Variants in SDK1 observed in about 807,000 individuals in gnomAD.
The protein encoded by SDK1 is sidekick cell adhesion molecule 1, also known as protein sidekick-1.
SDK1 carries 157 observed loss-of-function variants against 245.5 expected under a neutral mutation model. That is an observed-to-expected ratio of 0.64 (90% CI 0.56 to 0.73). The LOEUF (loss-of-function observed/expected upper bound fraction) is 0.73. Ranked by LOEUF, SDK1 falls within the 30% of genes least tolerant of loss-of-function variation. The pLI, the probability that SDK1 is intolerant of heterozygous loss-of-function variation, is 0.00. For missense variants in SDK1, 3,583 were observed against 3,002.3 expected, an observed-to-expected ratio of 1.19 and a Z score of -4.52; for synonymous variants, 1,647 against 1,278.5, an observed-to-expected ratio of 1.29 and a Z score of -6.15.
At chr7:3,688,957 G>T (rs1292643234) in intron 4 of SDK1, among the ~76,000 whole-genome samples, 1 of 152,184 alleles carries the variant, frequency 6.6e-6, no homozygotes, top group Non-Finnish European at 1.5e-5. Flanking sequence ...GGACAGGTCA[G>T]CAGACTACTG....
At chr7:3,850,380 A>G (rs1780389314) in intron 5 of SDK1, among the ~76,000 whole-genome samples, 1 of 152,198 alleles carries the variant, frequency 6.6e-6, no homozygotes, top group African/African-American at 2.4e-5. Flanking sequence ...TTCTGGAATG[A>G]AAATAAGATG....
intron 7 of SDK1, among the ~76,000 whole-genome samples, chr7:3,957,547 T>C (rs1781371533): frequency 6.6e-6 from 1 of 152,184 alleles, no homozygotes; most frequent in African/African-American, 2.4e-5. Context: ...GTCGAATGTA[T>C]GTTTTTTTCC....
intron 14 of SDK1, among the ~76,000 whole-genome samples, chr7:4,009,043 T>C (rs1168588882): frequency 2.0e-5 from 3 of 152,262 alleles, no homozygotes; most frequent in Non-Finnish European, 4.4e-5. Context: ...TTTCTTCACA[T>C]CCTTCCCAAC....
intron 14 of SDK1, among the ~76,000 whole-genome samples, chr7:4,004,101 C>T (rs1394177833): frequency 2.0e-5 from 3 of 152,204 alleles, no homozygotes; most frequent in South Asian, 2.1e-4. Context: ...GAAAGTTGAA[C>T]GTGGACACAT....
intron 4 of SDK1, among the ~76,000 whole-genome samples, chr7:3,802,848 C>T (rs2115037177): frequency 6.6e-6 from 1 of 152,282 alleles, no homozygotes; most frequent in African/African-American, 2.4e-5. Context: ...TTTAACTCTT[C>T]ACCAATTGAG....
chr7:3,482,580 C>G (rs1379833998), intron 1 of SDK1, among the ~76,000 whole-genome samples: 1 of 152,222 alleles, frequency 6.6e-6, no homozygotes, highest in African/African-American at 2.4e-5. Context: ...AAGCGCTTCT[C>G]TGAGAATTGA....
intron 1 of SDK1, among the ~76,000 whole-genome samples, chr7:3,417,555 C>T (rs1779409347): frequency 6.6e-6 from 1 of 152,178 alleles, no homozygotes; most frequent in South Asian, 2.1e-4. Flanking sequence ...TTGATTGCTT[C>T]AGTGTACTAA....
intron 5 of SDK1, among the ~76,000 whole-genome samples, chr7:3,825,685 G>A (rs186072914): frequency 2.8e-4 from 43 of 152,156 alleles, no homozygotes; most frequent in Admixed American, 7.2e-4. Context: ...GCAGACTCAC[G>A]TAGGGTTAGT....
At chr7:3,426,656 G>C (rs1156716796) in intron 1 of SDK1, among the ~76,000 whole-genome samples, 3 of 152,080 alleles carry the variant, frequency 2.0e-5, no homozygotes, top group Non-Finnish European at 2.9e-5. Flanking sequence ...CACCACCTTT[G>C]GTCAATTCTG....
chr7:3,903,032 C>A (rs1489750770), intron 5 of SDK1, among the ~76,000 whole-genome samples: 1 of 152,062 alleles, frequency 6.6e-6, no homozygotes, highest in Non-Finnish European at 1.5e-5. Flanking sequence ...TGAGAAAATG[C>A]TTAACATAAT....
In SDK1 at chr7:3,346,141, T is replaced by C. The variant is rs566366464; in HGVS notation, c.298+44257T>C. ...TCTGCTTAAAATCTTTCAGGGAGGT[T>C]CCTACTGTCTTAAGAATAAATTTCA... On this transcript the variant is annotated intron_variant, in intron 1 of 44. Transcript: ENST00000404826. Among the ~76,000 whole-genome samples the C allele has an allele frequency of 4.6e-5, 7 of 152,302 alleles. 1 individual carries two copies. The highest frequency in any genetic ancestry group is 1.7e-4 in the African/African-American group (7 of 41,558).
intron 22 of SDK1, among the ~76,000 whole-genome samples, chr7:4,102,821 GTGGGTATAACAGACAGACAGCTCCCCTAA>G (rs1274161872): frequency 6.6e-6 from 1 of 152,144 alleles, no homozygotes; most frequent in Non-Finnish European, 1.5e-5. Flanking sequence ...CAGCATCCCC[GTGGGTATAACAGACAGACAGCTCCCCTAA>G]TGGGCCTGAA....
intron 4 of SDK1, among the ~76,000 whole-genome samples, chr7:3,706,780 T>A (rs1784903889): frequency 1.3e-5 from 2 of 152,208 alleles, no homozygotes; most frequent in African/African-American, 4.8e-5. Context: ...CTTCTTGATT[T>A]AATCAAGGAG....
intron 1 of SDK1, among the ~76,000 whole-genome samples, chr7:3,377,751 A>G (rs1781390316): frequency 6.6e-6 from 1 of 151,906 alleles, no homozygotes; most frequent in African/African-American, 2.4e-5. Context: ...CGCTGTTCCA[A>G]ACTATATTTT....
At chr7:3,425,424 T>C (rs1045532050) in intron 1 of SDK1, among the ~76,000 whole-genome samples, 7 of 152,232 alleles carry the variant, frequency 4.6e-5, no homozygotes, top group African/African-American at 1.7e-4. Flanking sequence ...TAAATTGTCA[T>C]CTTCCAATTT....
chr7:3,307,020 A>AAATCACAT (rs1438437735), intron 1 of SDK1, among the ~76,000 whole-genome samples: 1 of 152,210 alleles, frequency 6.6e-6, no homozygotes, highest in Non-Finnish European at 1.5e-5. Context: ...TGGGGAATGA[A>AAATCACAT]AATCACATTG....
intron 5 of SDK1, among the ~76,000 whole-genome samples, chr7:3,895,228 C>G (rs1314380199): frequency 6.6e-6 from 1 of 152,104 alleles, no homozygotes; most frequent in African/African-American, 2.4e-5. Flanking sequence ...ATAAATCATT[C>G]TTATATTTAT....
Position 3,978,088 on chromosome 7 carries a change from A to AT in SDK1, c.1994+3555dup, listed in dbSNP as rs199727490. On this transcript the variant is annotated intron_variant, in intron 13 of 44. Coordinates refer to ENST00000404826, the MANE Select transcript of SDK1 (RefSeq NM_152744.4). ...CTTCCTTTCGGGTCTCAGACAGAGG[A>AT]TTTTTTTTTTTTCATTTTGATAATA... Among the ~76,000 whole-genome samples, 645 of 146,106 alleles carry AT rather than the reference A, an allele frequency of 4.4e-3. 3 individuals are homozygous for AT. In the East Asian group the frequency reaches 0.048, roughly 11 times the overall value.
intron 26 of SDK1, chr7:4,129,597 CTT>C (rs1171404756): frequency 4.3e-5 from 47 of 1,101,824 alleles, no homozygotes; most frequent in Non-Finnish European, 5.2e-5. Flanking sequence ...ATAATCGAGT[CTT>C]TGTTTTAGTG....
Sources: allele counts gnomAD v4.1 joint callset (sites outside exome capture counted in the v4.1 genomes callset), GRCh38; gene constraint gnomAD v4.1.1; transcripts MANE v1.5; gene names NCBI Gene and HGNC (gene_info 2026-07-23, HGNC 2026-07-21).